The following TCF4 variants were observed in gnomAD, a reference collection of about 807,000 sequenced individuals.
TCF4 encodes the protein transcription factor 4.
A neutral mutation model predicts 82.1 loss-of-function variants in TCF4; 3 were observed. That is an observed-to-expected ratio of 0.04 (90% CI 0.02 to 0.09). The LOEUF (loss-of-function observed/expected upper bound fraction) is 0.09. Ranked by LOEUF, TCF4 falls within the 10% of genes least tolerant of loss-of-function variation. The pLI is 1.00. For synonymous variants in TCF4, 276 were observed against 309.6 expected (o/e 0.89, Z 1.14); for missense variants, 518 against 852.7 (o/e 0.61, Z 4.89).
At chr18:55,242,727 A>G (rs887990332) in intron 15 of TCF4, among the ~76,000 whole-genome samples, 2 of 151,590 alleles carry the variant, frequency 1.3e-5, no homozygotes, top group African/African-American at 2.4e-5. Flanking sequence ...CTCCTGCCTC[A>G]GCCTCCCCAG....
At chr18:55,612,507 A>G (rs2097708035) in intron 2 of TCF4, among the ~76,000 whole-genome samples, 1 of 152,214 alleles carries the variant, frequency 6.6e-6, no homozygotes, top group South Asian at 2.1e-4. Context: ...AATATGATAA[A>G]AATAATCATG....
At position 55,350,957 on chromosome 18, in the gene TCF4, A is replaced by C; in HGVS notation, c.416T>G (p.Leu139Arg). 6.2e-7 allele frequency: 1 copy of C among 1,613,612 alleles called. No individual in the cohort carries two copies. The highest frequency in any genetic ancestry group is 8.5e-7 in the Non-Finnish European group (1 of 1,179,606). Residue 139 changes from leucine to arginine, a missense_variant, in exon 7 of 20, where the codon CTT (leucine) becomes CGT (arginine). Coordinates refer to ENST00000354452, the MANE Select transcript of TCF4 (RefSeq NM_001083962.2). ...GDMDMGNPGTLSPTKPGSQYY... is the reference protein window; with the variant it reads ...GDMDMGNPGTRSPTKPGSQYY... Reference sequence around the variant, plus strand: ...CTGGGAACCAGGTTTGGTGGGCGAAAGGGTTCCTGGGTTGCCCATATCCAT... The same window carrying C: ...CTGGGAACCAGGTTTGGTGGGCGAACGGGTTCCTGGGTTGCCCATATCCAT...
chr18:55,302,262 C>T lies in TCF4; in HGVS notation c.550-22606G>A, dbSNP rs892336755. Among the ~76,000 whole-genome samples the T allele has an allele frequency of 5.3e-5, 8 of 152,216 alleles. No individual in the cohort carries two copies. The South Asian group carries it at 1.0e-3, about 20-fold the overall frequency. On this transcript the variant is annotated intron_variant, in intron 8 of 19. Transcript: ENST00000354452. ...AGGTGGTAAAGTAACCCGGGCAGAG[C>T]GAATTAAAATGAAAGTTCTGGTGAA...
intron 6 of TCF4, among the ~76,000 whole-genome samples, chr18:55,354,133 T>C (rs1459311806): frequency 6.6e-6 from 1 of 152,142 alleles, no homozygotes; most frequent in Non-Finnish European, 1.5e-5. Flanking sequence ...CCCTTCCCCT[T>C]ACTCGCTCCT....
Position 55,261,499 on chromosome 18 carries a change from C to T in TCF4, c.957G>A (p.Gln319=), listed in dbSNP as rs1216376559. Residue 319 remains glutamine, a synonymous_variant, in exon 12 of 20, where the codon CAG becomes CAA. Transcript: ENST00000354452. ...GTGCTTTCCCCAGAGCATCTCCAGT[C>T]TGGGAGCTGCCGGCTGCCCCGCTTC... is the stretch of plus-strand genomic sequence containing the variant. ...NRGSGAAGSS[Q]TGDALGKALA... The T allele has an allele frequency of 1.9e-6, 3 of 1,613,814 alleles. No individual in the cohort carries two copies. The highest frequency in any genetic ancestry group is 1.7e-5 in the Admixed American group (1 of 59,986).
intron 6 of TCF4, among the ~76,000 whole-genome samples, chr18:55,375,676 T>C (rs886487395): frequency 2.6e-5 from 4 of 151,744 alleles, no homozygotes; most frequent in Non-Finnish European, 4.4e-5. Flanking sequence ...AGTTCTGGAG[T>C]TACGGGTTAT....
intron 8 of TCF4, among the ~76,000 whole-genome samples, chr18:55,295,221 TTC>T (rs1234829580): frequency 2.6e-5 from 4 of 152,176 alleles, no homozygotes; most frequent in Non-Finnish European, 4.4e-5. Context: ...TGTTGCTGTC[TTC>T]TGTTTTATAT....
chr18:55,336,249 A>G (rs901214776), intron 8 of TCF4, among the ~76,000 whole-genome samples: 3 of 152,104 alleles, frequency 2.0e-5, no homozygotes, highest in Admixed American at 6.5e-5. Flanking sequence ...TAATTTTAAT[A>G]CTTTTACTTA....
intron 6 of TCF4, among the ~76,000 whole-genome samples, chr18:55,397,936 G>A (rs1017728892): frequency 6.6e-6 from 1 of 151,990 alleles, no homozygotes. Flanking sequence ...GCAGGTATGT[G>A]GCATTCATTT....
Position 55,588,025 on chromosome 18 carries a change from C to T in TCF4, c.-21+13G>A. On this transcript the variant is annotated intron_variant, in intron 1 of 19. Transcript: ENST00000354452. ...CCTCCGCCCCGCCGAGCCCCGCAGG[C>T]GCCGGTACCTACCGCCCGCGCGCGA... The T allele has an allele frequency of 1.0e-6, 1 of 981,936 alleles. No homozygotes were observed. Among genetic ancestry groups the T allele is most frequent in the Non-Finnish European group, 1.2e-6 (1 of 828,506 alleles). 60.8% of individuals were successfully genotyped at this position (981,936 alleles called of 1,614,324 possible).
In TCF4 at chr18:55,350,100, C is replaced by T. The variant is rs1279030875; in HGVS notation, c.549+259G>A. Among the ~76,000 whole-genome samples the T allele has an allele frequency of 4.6e-5, 7 of 152,176 alleles. No individual in the cohort carries two copies. In the East Asian group the frequency reaches 1.3e-3, roughly 29 times the overall value. ...CCCTGTACAGGTAAAACTCCTCAAA[C>T]TTCAGGCACCTTTTCAAGGCTCTCT... On this transcript the variant is annotated intron_variant, in intron 8 of 19. Transcript: ENST00000354452.
intron 2 of TCF4, among the ~76,000 whole-genome samples, chr18:55,617,810 A>AGT (rs2097713635): frequency 1.4e-5 from 1 of 70,592 alleles, no homozygotes; most frequent in African/African-American, 4.7e-5. Context: ...ATTAATTCTA[A>AGT]CTGTGTGTGT....
intron 5 of TCF4, among the ~76,000 whole-genome samples, chr18:55,427,239 A>C (rs2095028296): frequency 6.6e-6 from 1 of 152,028 alleles, no homozygotes; most frequent in Non-Finnish European, 1.5e-5. Context: ...TCCATTCCTT[A>C]AAGAAGAGGT....
chr18:55,476,872 T>G (rs2096300872), intron 3 of TCF4, among the ~76,000 whole-genome samples: 2 of 152,230 alleles, frequency 1.3e-5, no homozygotes, highest in African/African-American at 4.8e-5. Context: ...GCCAAATGCC[T>G]GGCAGACATT....
intron 3 of TCF4, among the ~76,000 whole-genome samples, chr18:55,522,957 G>A (rs9948513): frequency 0.69 from 104,120 of 151,356 alleles, 36,107 homozygotes; most frequent in East Asian, 0.92. Context: ...AATATCATTT[G>A]TTGGGACACT....
intron 5 of TCF4, among the ~76,000 whole-genome samples, chr18:55,444,009 G>A (rs778914630): frequency 6.6e-6 from 1 of 152,212 alleles, no homozygotes; most frequent in South Asian, 2.1e-4. Context: ...CACCCAGGTA[G>A]TAAAGGGTGG....
chr18:55,264,869 T>A (rs1466893582), intron 11 of TCF4: 1 of 152,168 alleles, frequency 6.6e-6, no homozygotes, highest in Non-Finnish European at 1.5e-5. Flanking sequence ...CATACAAATA[T>A]GAATGGAAGA....
chr18:55,534,700 T>C (rs1313914515), intron 3 of TCF4, among the ~76,000 whole-genome samples: 1 of 151,982 alleles, frequency 6.6e-6, no homozygotes, highest in Non-Finnish European at 1.5e-5. Context: ...AAATTCAGCT[T>C]AAAAAAAACC....
intron 6 of TCF4, among the ~76,000 whole-genome samples, chr18:55,403,127 C>A (rs1238540733): frequency 6.6e-6 from 1 of 152,164 alleles, no homozygotes; most frequent in Non-Finnish European, 1.5e-5. Context: ...GTAAGAAATT[C>A]TTAAGTTCTT....
Sources: allele counts gnomAD v4.1 joint callset (sites outside exome capture counted in the v4.1 genomes callset), GRCh38; gene constraint gnomAD v4.1.1; transcripts MANE v1.5; gene names NCBI Gene and HGNC (gene_info 2026-07-23, HGNC 2026-07-21).